The following SAMD12 variants were observed in gnomAD, a reference collection of about 807,000 sequenced individuals.
SAMD12 encodes the protein sterile alpha motif domain-containing protein 12.
In SAMD12, 9 loss-of-function variants were observed where a neutral mutation model predicts 15.0. The observed-to-expected ratio is 0.60, with a 90% CI of 0.36 to 1.05. The LOEUF is 1.05. Among genes scored for constraint, SAMD12 ranks in the 50% least tolerant of loss-of-function variants. SAMD12 has a pLI of 0.01. For synonymous variants in SAMD12, 86 were observed against 90.1 expected, an observed-to-expected ratio of 0.96 and a Z score of 0.25; for missense variants, 230 against 234.2, an observed-to-expected ratio of 0.98 and a Z score of 0.12.
At chr8:118,570,843 C>A (rs543662411) in intron 2 of SAMD12, among the ~76,000 whole-genome samples, 1 of 152,178 alleles carries the variant, frequency 6.6e-6, no homozygotes, top group Admixed American at 6.5e-5. Context: ...CAAGTCTTTC[C>A]CATGCTGTTC....
chr8:118,138,980 C>T, the SAMD12 span, among the ~76,000 whole-genome samples: 1 of 152,196 alleles, frequency 6.6e-6, no homozygotes, highest in Non-Finnish European at 1.5e-5. Context: ...CAACTCATTG[C>T]TGGACTCTAA....
the SAMD12 span, among the ~76,000 whole-genome samples, chr8:118,148,379 T>C: frequency 2.0e-5 from 3 of 152,206 alleles, no homozygotes; most frequent in Admixed American, 6.5e-5. Context: ...TTTGGGTATG[T>C]ATATATTCAG....
At chr8:118,302,012 T>C (rs1469696215) in intron 4 of SAMD12, among the ~76,000 whole-genome samples, 2 of 144,614 alleles carry the variant, frequency 1.4e-5, no homozygotes, top group African/African-American at 2.5e-5. Context: ...GACCAGTATA[T>C]AAATACACAG....
intron 4 of SAMD12, among the ~76,000 whole-genome samples, chr8:118,320,872 G>A (rs1265378380): frequency 1.3e-5 from 2 of 148,736 alleles, no homozygotes; most frequent in Non-Finnish European, 3.0e-5. Context: ...GTGTGTCTTT[G>A]TCAATGCATT....
At chr8:118,360,423 A>G (rs1008953341) in intron 4 of SAMD12, among the ~76,000 whole-genome samples, 3 of 152,202 alleles carry the variant, frequency 2.0e-5, no homozygotes, top group Non-Finnish European at 4.4e-5. Context: ...GTTTATTTAA[A>G]GACTAAAACT....
At chr8:118,431,872 G>A (rs558066654) in intron 3 of SAMD12, among the ~76,000 whole-genome samples, 2 of 152,174 alleles carry the variant, frequency 1.3e-5, no homozygotes, top group South Asian at 2.1e-4. Context: ...TGATATTCTA[G>A]TAATGCATAT....
intron 4 of SAMD12, among the ~76,000 whole-genome samples, chr8:118,251,564 C>A (rs1384880080): frequency 1.3e-5 from 2 of 152,114 alleles, no homozygotes; most frequent in Non-Finnish European, 2.9e-5. Context: ...CTGACTACTT[C>A]TTTCTCGGAA....
intron 2 of SAMD12, among the ~76,000 whole-genome samples, chr8:118,505,429 C>T (rs939435619): frequency 1.3e-4 from 20 of 150,258 alleles, no homozygotes; most frequent in African/African-American, 4.9e-4. Flanking sequence ...AAGTTCTGGT[C>T]TGAGAGACTG....
intron 4 of SAMD12, among the ~76,000 whole-genome samples, chr8:118,358,181 T>G (rs541314979): frequency 6.6e-6 from 1 of 152,250 alleles, no homozygotes; most frequent in South Asian, 2.1e-4. Context: ...CTTTCCTGTT[T>G]CAGAGCTTAG....
At chr8:118,423,995 G>T (rs1276948228) in intron 3 of SAMD12, among the ~76,000 whole-genome samples, 1 of 152,076 alleles carries the variant, frequency 6.6e-6, no homozygotes, top group Non-Finnish European at 1.5e-5. Flanking sequence ...AGTTACTAGA[G>T]AAATATCTTG....
In SAMD12 at chr8:118,439,875, C is replaced by T. The variant is rs1209867408; in HGVS notation, c.279G>A (p.Gln93=). Residue 93 remains glutamine (Q), a synonymous_variant, in exon 3 of 4, where the codon CAG becomes CAA. Transcript: ENST00000314727. ...CKWLKKHCPN[Q]YQIYSESFKQ... ...TGAATGACTCACTGTAGATCTGATA[C>T]TGATTCGGACAATGTTTCTTCAACC... 1 of 1,613,584 alleles carries T rather than the reference C, an allele frequency of 6.2e-7. No homozygotes were observed. Among genetic ancestry groups the T allele is most frequent in the Non-Finnish European group, 8.5e-7 (1 of 1,179,534 alleles).
At chr8:118,231,948 G>T (rs1227422329) in intron 4 of SAMD12, among the ~76,000 whole-genome samples, 4 of 151,884 alleles carry the variant, frequency 2.6e-5, no homozygotes, top group Non-Finnish European at 5.9e-5. Context: ...TTACTTTCCA[G>T]CTGGATTGAA....
At chr8:118,404,090 C>G (rs921270038) in intron 3 of SAMD12, among the ~76,000 whole-genome samples, 1 of 152,186 alleles carries the variant, frequency 6.6e-6, no homozygotes, top group Non-Finnish European at 1.5e-5. Flanking sequence ...ACAAGCAGTC[C>G]TTCCATCTCA....
the SAMD12 span, among the ~76,000 whole-genome samples, chr8:118,139,574 T>C: frequency 6.6e-6 from 1 of 152,106 alleles, no homozygotes; most frequent in Non-Finnish European, 1.5e-5. Flanking sequence ...CCCAGGCTGC[T>C]CTTGAACTCC....
intron 2 of SAMD12, among the ~76,000 whole-genome samples, chr8:118,548,041 A>G (rs1826182076): frequency 6.6e-6 from 1 of 152,124 alleles, no homozygotes; most frequent in African/African-American, 2.4e-5. Context: ...ACAGAGAAGG[A>G]AACCACAGCC....
chr8:118,331,505 G>A (rs960497153), intron 4 of SAMD12, among the ~76,000 whole-genome samples: 7 of 152,110 alleles, frequency 4.6e-5, no homozygotes, highest in African/African-American at 9.7e-5. Flanking sequence ...TTGTCTATGC[G>A]GTTTTCAGGG....
chr8:118,209,127 T>G (rs1819948004), intron 4 of SAMD12, among the ~76,000 whole-genome samples: 1 of 152,218 alleles, frequency 6.6e-6, no homozygotes, highest in African/African-American at 2.4e-5. Context: ...AGGGCAGGAT[T>G]CTGAAGACAG....
At chr8:118,515,386 C>G (rs952702496) in intron 2 of SAMD12, among the ~76,000 whole-genome samples, 6 of 151,958 alleles carry the variant, frequency 3.9e-5, no homozygotes, top group Non-Finnish European at 7.4e-5. Flanking sequence ...CCTTCTGCCA[C>G]GATTGAAAGT....
intron 4 of SAMD12, chr8:118,285,016 C>T (rs993947014): frequency 1.3e-5 from 2 of 151,680 alleles, no homozygotes; most frequent in Non-Finnish European, 2.9e-5. Context: ...TATATGGTCC[C>T]AGGCAGACAA....
Sources: gnomAD v4.1 joint callset for allele counts (sites outside exome capture counted in the v4.1 genomes callset) on GRCh38, gnomAD v4.1.1 for gene constraint, MANE v1.5 for transcripts, NCBI Gene and HGNC (gene_info 2026-07-23, HGNC 2026-07-21) for gene names.